PDE10A: variants seen among roughly 807,000 people sequenced by gnomAD.
The protein encoded by PDE10A is phosphodiesterase 10A.
Under a neutral mutation model 97.7 loss-of-function variants are expected in PDE10A, and 39 were observed. The ratio of observed to expected loss-of-function variants is 0.40; its 90% confidence interval spans 0.31 to 0.52. The LOEUF is 0.52. PDE10A is among the 20% of genes least tolerant of loss of function. The pLI is 0.56. For synonymous variants in PDE10A, 371 were observed against 376.8 expected (o/e 0.98, Z 0.18); for missense variants, 731 against 1,047.8 (o/e 0.70, Z 4.17).
At chr6:165,792,455 C>T (rs571045685) in intron 1 of PDE10A, among the ~76,000 whole-genome samples, 48 of 152,294 alleles carry the variant, frequency 3.2e-4, no homozygotes, top group African/African-American at 1.1e-3. Context: ...CGGGTCTCAC[C>T]GGGCTTCTCT....
At chr6:165,979,596 T>A (rs560291228) in intron 1 of PDE10A, among the ~76,000 whole-genome samples, 73 of 152,268 alleles carry the variant, frequency 4.8e-4, no homozygotes, top group Admixed American at 9.1e-4. Context: ...ATAATGTCAC[T>A]CAACAAGAAA....
intron 1 of PDE10A, among the ~76,000 whole-genome samples, chr6:165,789,358 A>G (rs1031752088): frequency 6.6e-6 from 1 of 152,246 alleles, no homozygotes; most frequent in South Asian, 2.1e-4. Flanking sequence ...CTTAGCAACT[A>G]TTTTAATATG....
chr6:165,577,667 T>G (rs1785385192), intron 1 of PDE10A, among the ~76,000 whole-genome samples: 1 of 152,018 alleles, frequency 6.6e-6, no homozygotes, highest in African/African-American at 2.4e-5. Flanking sequence ...CTGCTATGAG[T>G]CCCTGCCTCC....
intron 1 of PDE10A, among the ~76,000 whole-genome samples, chr6:165,794,171 C>T (rs1313537601): frequency 6.6e-6 from 1 of 151,024 alleles, no homozygotes; most frequent in Non-Finnish European, 1.5e-5. Context: ...CACACTCATA[C>T]ACTCCCTCCC....
At chr6:165,790,675 C>T (rs1778622268) in intron 1 of PDE10A, among the ~76,000 whole-genome samples, 1 of 152,052 alleles carries the variant, frequency 6.6e-6, no homozygotes, top group South Asian at 2.1e-4. Flanking sequence ...CGTCAGCCGT[C>T]TCTGCCCGTG....
At chr6:165,598,112 G>T (rs1786712591) in intron 1 of PDE10A, among the ~76,000 whole-genome samples, 1 of 152,058 alleles carries the variant, frequency 6.6e-6, no homozygotes, top group African/African-American at 2.4e-5. Context: ...TTACTTTTTT[G>T]TTGAGGGGAA....
chr6:165,837,320 G>C (rs1454856762), intron 1 of PDE10A, among the ~76,000 whole-genome samples: 1 of 152,204 alleles, frequency 6.6e-6, no homozygotes, highest in Non-Finnish European at 1.5e-5. Flanking sequence ...GCTTCAAGCT[G>C]CAATTCTGAG....
At chr6:165,773,467 C>T (rs1241888482) in intron 1 of PDE10A, among the ~76,000 whole-genome samples, 2 of 152,096 alleles carry the variant, frequency 1.3e-5, no homozygotes, top group Non-Finnish European at 2.9e-5. Flanking sequence ...CCATATTCTC[C>T]AATAAAAGTA....
chr6:165,465,082 C>G (rs887058552), intron 3 of PDE10A, among the ~76,000 whole-genome samples: 5 of 152,084 alleles, frequency 3.3e-5, no homozygotes, highest in African/African-American at 1.2e-4. Flanking sequence ...AGAAGTTACC[C>G]CCCTTTTTTC....
intron 2 of PDE10A, among the ~76,000 whole-genome samples, chr6:165,490,278 G>A (rs1780154006): frequency 6.6e-6 from 1 of 152,234 alleles, no homozygotes; most frequent in Non-Finnish European, 1.5e-5. Flanking sequence ...AGAAGGGATT[G>A]TGATTCTATC....
rs1779505615 is a variant in PDE10A, at chr6:165,819,387, A to T, written c.-615+168142T>A. 6.6e-6 allele frequency among the ~76,000 whole-genome samples: 1 copy of T among 152,038 alleles called. No homozygotes were observed. Among genetic ancestry groups the T allele is most frequent in the Non-Finnish European group, 1.5e-5 (1 of 68,016 alleles). ...GCTCATCCTCAGCTCCTGTTGCCTG[A>T]TGCAGTTGCCGACCCCACCTCCTGC... is the stretch of plus-strand genomic sequence containing the variant. On this transcript the variant is annotated intron_variant, in intron 1 of 19. Coordinates refer to the PDE10A transcript ENST00000366882. This position sits in a 1 kb window ranked among gnomAD's most constrained non-coding sequence, Gnocchi z 4.2.
rs577080663 is a variant in PDE10A, at chr6:165,670,663, T to C, written c.-614-127095A>G. On this transcript the variant is annotated intron_variant, in intron 1 of 19. Transcript: ENST00000366882. ...ATCACCTTAATTTAAATGTGAATAC[T>C]TCCTATAAATGCCTTTTTCTTGTTT... Among the ~76,000 whole-genome samples, 17 of 152,332 alleles carry C rather than the reference T, an allele frequency of 1.1e-4. No individual in the cohort carries two copies. In the East Asian group the frequency reaches 3.1e-3, roughly 28 times the overall value.
chr6:165,750,457 G>T (rs974651682), intron 1 of PDE10A, among the ~76,000 whole-genome samples: 4 of 152,130 alleles, frequency 2.6e-5, no homozygotes, highest in African/African-American at 9.7e-5. Flanking sequence ...CAGCTGGGCT[G>T]CCCAGCACCC....
intron 1 of PDE10A, chr6:165,576,383 C>A (rs781695444): frequency 1.2e-5 from 9 of 780,444 alleles, no homozygotes; most frequent in South Asian, 1.1e-4. Flanking sequence ...TTCTAAATTT[C>A]TTTTGCTGGC....
intron 1 of PDE10A, among the ~76,000 whole-genome samples, chr6:165,839,217 C>A (rs2128472539): frequency 6.6e-6 from 1 of 152,276 alleles, no homozygotes; most frequent in Admixed American, 6.5e-5. Flanking sequence ...AGTTAATATT[C>A]AAAAGTACTT....
intron 1 of PDE10A, among the ~76,000 whole-genome samples, chr6:165,552,241 G>A (rs1784053627): frequency 6.6e-6 from 1 of 152,146 alleles, no homozygotes; most frequent in South Asian, 2.1e-4. Flanking sequence ...TCCATGATCT[G>A]TCTCATTCTC....
At chr6:165,863,038 T>C (rs563678101) in intron 1 of PDE10A, among the ~76,000 whole-genome samples, 1 of 152,156 alleles carries the variant, frequency 6.6e-6, no homozygotes, top group Non-Finnish European at 1.5e-5. Flanking sequence ...CCCTGAATAA[T>C]CTCTACAGTG....
intron 1 of PDE10A, among the ~76,000 whole-genome samples, chr6:165,760,635 C>T (rs1793227655): frequency 1.3e-5 from 2 of 152,336 alleles, no homozygotes; most frequent in South Asian, 4.1e-4. Context: ...AGAGATCCTG[C>T]TTGCTAGAGC....
intron 2 of PDE10A, among the ~76,000 whole-genome samples, chr6:165,507,022 A>AT (rs1781234664): frequency 6.6e-6 from 1 of 152,108 alleles, no homozygotes; most frequent in African/African-American, 2.4e-5. Context: ...TTTGAAAAGC[A>AT]CCATTTGGTG....
Sources: allele counts gnomAD v4.1 joint callset (sites outside exome capture counted in the v4.1 genomes callset), GRCh38; gene constraint gnomAD v4.1.1; non-coding constraint Gnocchi (gnomAD v3.1); transcripts MANE v1.5; gene names NCBI Gene and HGNC (gene_info 2026-07-23, HGNC 2026-07-21).